Variants in AEBP2 observed in about 807,000 individuals in gnomAD.
The protein encoded by AEBP2 is zinc finger protein AEBP2.
A neutral mutation model predicts 50.8 loss-of-function variants in AEBP2; 10 were observed. That is an observed-to-expected ratio of 0.20 (90% CI 0.12 to 0.33). The LOEUF (loss-of-function observed/expected upper bound fraction) is 0.33. Ranked by LOEUF, AEBP2 falls within the 10% of genes least tolerant of loss-of-function variation. AEBP2 has a pLI of 1.00. For synonymous variants in AEBP2, 296 were observed against 261.3 expected, an observed-to-expected ratio of 1.13 and a Z score of -1.28; for missense variants, 570 against 688.0, an observed-to-expected ratio of 0.83 and a Z score of 1.92.
At chr12:19,416,414 T>C (rs751405531) in intron 1 of AEBP2, among the ~76,000 whole-genome samples, 6 of 122,682 alleles carry the variant, frequency 4.9e-5, no homozygotes, top group East Asian at 2.1e-4. Flanking sequence ...TCTTTTTTTT[T>C]CTTTTTTTGA....
chr12:19,430,073 T>C (rs1255428326), intron 1 of AEBP2, among the ~76,000 whole-genome samples: 7 of 152,220 alleles, frequency 4.6e-5, no homozygotes, highest in African/African-American at 1.4e-4. Context: ...CTGAATGGTA[T>C]TGCCTAGGTT....
At chr12:19,436,350 GC>G (rs1947861198), upstream of AEBP2, among the ~76,000 whole-genome samples, 1 of 152,088 alleles carries the variant, frequency 6.6e-6, no homozygotes, top group Non-Finnish European at 1.5e-5. Context: ...CCCTTGTTTA[GC>G]GTATAATCAG....
At chr12:19,508,191 T>C (rs1439510830) in intron 5 of AEBP2, among the ~76,000 whole-genome samples, 1 of 152,154 alleles carries the variant, frequency 6.6e-6, no homozygotes, top group Non-Finnish European at 1.5e-5. Context: ...TTTATTTGAC[T>C]ACAGACTTTT....
chr12:19,514,231 CT>C (rs1949285799), intron 6 of AEBP2, among the ~76,000 whole-genome samples: 1 of 151,976 alleles, frequency 6.6e-6, no homozygotes, highest in African/African-American at 2.4e-5. Flanking sequence ...AACTCCTGGG[CT>C]CAAGTTATCT....
chr12:19,464,838 C>T (rs1380135106), intron 2 of AEBP2, among the ~76,000 whole-genome samples: 1 of 151,868 alleles, frequency 6.6e-6, no homozygotes, highest in Admixed American at 6.6e-5. Flanking sequence ...GATCCACCCG[C>T]CTCGGCCTCC....
chr12:19,512,136 C>G (rs1448520005), intron 5 of AEBP2, among the ~76,000 whole-genome samples: 1 of 152,030 alleles, frequency 6.6e-6, no homozygotes, highest in African/African-American at 2.4e-5. Flanking sequence ...ATTCTCCTGC[C>G]TCAGCCTCCT....
At chr12:19,491,146 A>G (rs1203711358) in intron 3 of AEBP2, among the ~76,000 whole-genome samples, 1 of 152,234 alleles carries the variant, frequency 6.6e-6, no homozygotes, top group Non-Finnish European at 1.5e-5. Context: ...GGTACTCTAC[A>G]GAAGAGATGG....
chr12:19,448,566 G>T (rs1173946853), intron 1 of AEBP2, among the ~76,000 whole-genome samples: 2 of 151,902 alleles, frequency 1.3e-5, no homozygotes, highest in Non-Finnish European at 2.9e-5. Context: ...GTCGTAGCCT[G>T]TATTCATTCT....
intron 2 of AEBP2, among the ~76,000 whole-genome samples, chr12:19,470,737 C>G (rs531433118): frequency 6.6e-6 from 1 of 152,274 alleles, no homozygotes; most frequent in African/African-American, 2.4e-5. Flanking sequence ...ACTGCTGTTT[C>G]TACCAAATTT....
intron 2 of AEBP2, among the ~76,000 whole-genome samples, chr12:19,471,990 TAAAG>T (rs1055726361): frequency 1.2e-4 from 19 of 152,200 alleles, no homozygotes; most frequent in African/African-American, 2.7e-4. Context: ...ATCTCATACT[TAAAG>T]AAACTAGCAA....
At chr12:19,435,590 T>G (rs115644907), upstream of AEBP2, among the ~76,000 whole-genome samples, 1,807 of 152,258 alleles carry the variant, frequency 0.012, 42 homozygotes, top group African/African-American at 0.041. Context: ...TTAACTATTT[T>G]TAGCTTTCTT....
At chr12:19,447,766 TCTTGA>T (rs1419262697) in intron 1 of AEBP2, among the ~76,000 whole-genome samples, 1 of 152,220 alleles carries the variant, frequency 6.6e-6, no homozygotes, top group Admixed American at 6.5e-5. Context: ...AGTATTGTAG[TCTTGA>T]CTTTATTGCC....
intron 1 of AEBP2, among the ~76,000 whole-genome samples, chr12:19,423,765 C>G (rs1216632595): frequency 3.3e-5 from 5 of 152,034 alleles, no homozygotes; most frequent in Non-Finnish European, 7.4e-5. Context: ...TGCTTGAACC[C>G]CCGAGACGGA....
Position 19,516,131 on chromosome 12 carries a change from T to C in AEBP2, c.1481+1347T>C, listed in dbSNP as rs113915469. The stretch of plus-strand genomic sequence containing the variant: ...AACATCTTTTGGTGAAAGTGCTAAT[T>C]AATACAATAAAACTTATTCTTTGTG... On this transcript the variant is annotated intron_variant, in intron 7 of 7. Transcript: ENST00000266508. Among the ~76,000 whole-genome samples the C allele has an allele frequency of 2.8e-3, 431 of 152,258 alleles. 1 individual carries two copies. Among genetic ancestry groups the C allele is most frequent in the African/African-American group, 9.8e-3 (408 of 41,552 alleles).
intron 2 of AEBP2, among the ~76,000 whole-genome samples, chr12:19,468,059 GAAAA>G (rs966058616): frequency 2.0e-5 from 3 of 150,618 alleles, no homozygotes; most frequent in Non-Finnish European, 3.0e-5. Context: ...TTAAAAAAAA[GAAAA>G]AGAAAATAAA....
chr12:19,407,416 G>C (rs929345644), intron 1 of AEBP2, among the ~76,000 whole-genome samples: 1 of 151,936 alleles, frequency 6.6e-6, no homozygotes, highest in African/African-American at 2.4e-5. Context: ...CAATTCTCCT[G>C]CCTCAGCCTC....
At chr12:19,501,095 C>T (rs1227514347) in intron 5 of AEBP2, among the ~76,000 whole-genome samples, 1 of 152,050 alleles carries the variant, frequency 6.6e-6, no homozygotes, top group East Asian at 1.9e-4. Context: ...TTTGGGAGGC[C>T]TAGGCAGGTG....
In AEBP2 at chr12:19,440,032, C is replaced by T. The variant is rs766772255; in HGVS notation, c.333C>T (p.Ser111=). 1.2e-5 allele frequency: 19 copies of T among 1,523,996 alleles called. No individual in the cohort carries two copies. The highest frequency in any genetic ancestry group is 2.6e-5 in the East Asian group (1 of 38,618). 94.4% of individuals were successfully genotyped at this position (1,523,996 alleles called of 1,614,324 possible). A position where few individuals can be genotyped will look rare whatever the true frequency, so the allele number is the denominator to read the frequency against. ...ACGAGGAGGAGGAAGATGAGAGCAG[C>T]AGCAGCGGCGGGGGTGAGGAGGAGA... ...EDDEEEEDES[S]SSGGGEEESS... is the part of the protein sequence containing the mutation. Residue 111 remains serine (S), a synonymous_variant, in exon 1 of 8, where the codon AGC becomes AGT. Coordinates refer to ENST00000266508, the MANE Select transcript of AEBP2 (RefSeq NM_153207.5).
At chr12:19,404,959 A>G (rs11561187) in intron 1 of AEBP2, among the ~76,000 whole-genome samples, 16,562 of 138,636 alleles carry the variant, frequency 0.12, 1,172 homozygotes, top group East Asian at 0.19. Flanking sequence ...TTTTCAGACA[A>G]GGTCTCACTG....
Sources: allele counts gnomAD v4.1 joint callset (sites outside exome capture counted in the v4.1 genomes callset), GRCh38; gene constraint gnomAD v4.1.1; transcripts MANE v1.5; gene names NCBI Gene and HGNC (gene_info 2026-07-23, HGNC 2026-07-21).